Variants in KIF13A observed in about 807,000 individuals in gnomAD.
KIF13A encodes kinesin family member 13A, also known as kinesin-like protein KIF13A.
In KIF13A, 79 loss-of-function variants were observed where a neutral mutation model predicts 212.2. The observed-to-expected ratio is 0.37, with a 90% confidence interval of 0.31 to 0.45. The LOEUF (loss-of-function observed/expected upper bound fraction) is 0.45, where lower values mean the gene tolerates loss of function less well. KIF13A is among the 20% of genes least tolerant of loss of function. The pLI, the probability that KIF13A is intolerant of heterozygous loss-of-function variation, is 1.00. For synonymous variants in KIF13A, 789 were observed against 808.6 expected, an observed-to-expected ratio of 0.98 and a Z score of 0.41; for missense variants, 1,901 against 2,209.0, an observed-to-expected ratio of 0.86 and a Z score of 2.79.
Position 17,836,959 on chromosome 6 carries a change from C to A in KIF13A, c.1074G>T (p.Val358=). 1 of 1,613,948 alleles carries A rather than the reference C, an allele frequency of 6.2e-7. No homozygotes were observed. Among genetic ancestry groups the A allele is most frequent in the Non-Finnish European group, 8.5e-7 (1 of 1,179,880 alleles). The change falls in exon 11 of 39, where the codon GTG becomes GTT. Residue 358 remains valine (V), a synonymous_variant. Coordinates refer to ENST00000259711, the MANE Select transcript of KIF13A (RefSeq NM_022113.6). The part of the protein sequence containing the change: ...RAKRIVNHAV[V]NEDPNAKVIR... ...TCACTTTTGCGTTGGGGTCCTCATT[C>A]ACAACAGCATGGTTCACAATCCTTT...
At chr6:17,874,331 A>T (rs1049945452) in intron 3 of KIF13A, among the ~76,000 whole-genome samples, 1 of 151,598 alleles carries the variant, frequency 6.6e-6, no homozygotes, top group Admixed American at 6.6e-5. Context: ...TTAATATACA[A>T]TTCCTCGAAA....
downstream of KIF13A, chr6:17,759,414 T>C (rs1174836671): frequency 6.6e-6 from 1 of 152,116 alleles, no homozygotes; most frequent in Non-Finnish European, 1.5e-5. Context: ...TACACACAAA[T>C]CATGAACAGC....
At chr6:17,761,987 C>A (rs139543955), downstream of KIF13A, among the ~76,000 whole-genome samples, 928 of 152,178 alleles carry the variant, frequency 6.1e-3, 9 homozygotes, top group African/African-American at 0.021. Context: ...ACCTTATTTC[C>A]CCTGCTGCAC....
At chr6:17,852,079 C>T (rs1000009911) in intron 6 of KIF13A, 37 bp from the exon 7 acceptor site, 6 of 1,133,656 alleles carry the variant, frequency 5.3e-6, no homozygotes, top group Non-Finnish European at 7.2e-6. Flanking sequence ...ATGAATCACA[C>T]CAAAGCTGGA....
chr6:17,910,253 C>T (rs1482120153), intron 2 of KIF13A, among the ~76,000 whole-genome samples: 1 of 152,226 alleles, frequency 6.6e-6, no homozygotes, highest in Non-Finnish European at 1.5e-5. Context: ...ACCCATATCG[C>T]TAGCTAGAGA....
At position 17,883,322 on chromosome 6, in the gene KIF13A, G is replaced by C. The variant is rs1286600979; in HGVS notation, c.160-9885C>G. On this transcript the variant is annotated intron_variant, in intron 3 of 38. Coordinates refer to ENST00000259711, the MANE Select transcript of KIF13A (RefSeq NM_022113.6). This position sits in a 1 kb window ranked among gnomAD's most constrained non-coding sequence, Gnocchi z 4.8. ...TGATCATGTCACTGCACTCCAGCCT[G>C]GGTCACAGAGCAAGACTGTCTCTAA... Among the ~76,000 whole-genome samples, 1 of 151,986 alleles carries C rather than the reference G, an allele frequency of 6.6e-6. No homozygotes were observed. Among genetic ancestry groups the C allele is most frequent in the Non-Finnish European group, 1.5e-5 (1 of 68,006 alleles).
intron 4 of KIF13A, among the ~76,000 whole-genome samples, chr6:17,870,956 T>C (rs1233871721): frequency 6.6e-6 from 1 of 152,172 alleles, no homozygotes; most frequent in African/African-American, 2.4e-5. Context: ...TTTACTTTCT[T>C]CCATAGAAAA....
intron 4 of KIF13A, among the ~76,000 whole-genome samples, chr6:17,868,255 G>C (rs1230779979): frequency 1.3e-5 from 2 of 151,978 alleles, no homozygotes; most frequent in African/African-American, 4.8e-5. Flanking sequence ...TGTAGAGCTG[G>C]GAAGAAAATA....
chr6:17,805,370 CGTGTGT>C (rs59526903), intron 19 of KIF13A, 99 bp downstream of exon 19: 65,896 of 733,462 alleles, frequency 0.09, 1,012 homozygotes, highest in South Asian at 0.15. Flanking sequence ...AGCACATCTC[CGTGTGT>C]GTGTGTGTGT....
At chr6:17,945,082 G>C (rs1777268429) in intron 2 of KIF13A, among the ~76,000 whole-genome samples, 1 of 152,088 alleles carries the variant, frequency 6.6e-6, no homozygotes, top group Non-Finnish European at 1.5e-5. Flanking sequence ...AGACCAGTCT[G>C]GGCAACACGG....
rs548281388 is a variant in KIF13A at position 17,832,790 on chromosome 6, T to C, written c.1266+1171A>G. Among the ~76,000 whole-genome samples the C allele has an allele frequency of 1.3e-3, 193 of 152,022 alleles. 2 individuals are homozygous for C. The highest frequency in any genetic ancestry group is 4.4e-3 in the African/African-American group (184 of 41,474). ...ACTTTGGGAGGCTAAGGTGGGTGGA[T>C]TGCCTGAGCTCAGGAGTTTGAGATC... On this transcript the variant is annotated intron_variant, in intron 12 of 38. Transcript: ENST00000259711.
rs963820947 is a variant in KIF13A, at chr6:17,961,459, G to A, written c.146+25595C>T. 2.6e-5 allele frequency among the ~76,000 whole-genome samples: 4 copies of A among 152,106 alleles called. No individual in the cohort carries two copies. The highest frequency in any genetic ancestry group is 4.4e-5 in the Non-Finnish European group (3 of 68,026). On this transcript the variant is annotated intron_variant, in intron 2 of 38. Coordinates refer to ENST00000259711, the MANE Select transcript of KIF13A (RefSeq NM_022113.6). This position sits in a 1 kb window ranked among gnomAD's most constrained non-coding sequence, Gnocchi z 4.1. ...ATTGTAAGCCCTTTATATTCTCCCC[G>A]AATTAGGTTGGACCATGTAGAGTCA...
intron 2 of KIF13A, among the ~76,000 whole-genome samples, chr6:17,924,024 G>A (rs1775296743): frequency 1.3e-5 from 2 of 151,962 alleles, no homozygotes; most frequent in African/African-American, 4.8e-5. Context: ...TTTACTTTAA[G>A]ATATGACTCT....
At chr6:17,779,993 G>A (rs1760406628) in intron 31 of KIF13A, among the ~76,000 whole-genome samples, 1 of 151,870 alleles carries the variant, frequency 6.6e-6, no homozygotes, top group Non-Finnish European at 1.5e-5. Flanking sequence ...TGATCCGCCC[G>A]CCTTGGCCTC....
intron 18 of KIF13A, among the ~76,000 whole-genome samples, chr6:17,806,324 G>A (rs1487753946): frequency 6.6e-6 from 1 of 152,262 alleles, no homozygotes; most frequent in East Asian, 1.9e-4. Context: ...TTGACATCAT[G>A]TCTGTTTCAA....
chr6:17,868,906 A>C (rs1769680237), intron 4 of KIF13A, among the ~76,000 whole-genome samples: 1 of 146,516 alleles, frequency 6.8e-6, no homozygotes, highest in Non-Finnish European at 1.5e-5. Flanking sequence ...AGGCAGGAGA[A>C]TCGCTTGAAC....
chr6:17,889,372 C>G (rs1771833259), intron 3 of KIF13A, among the ~76,000 whole-genome samples: 1 of 152,054 alleles, frequency 6.6e-6, no homozygotes, highest in African/African-American at 2.4e-5. Flanking sequence ...GTTCAGTAAC[C>G]TAACTCATAA....
At chr6:17,921,925 T>C (rs913357415) in intron 2 of KIF13A, among the ~76,000 whole-genome samples, 5 of 152,224 alleles carry the variant, frequency 3.3e-5, no homozygotes, top group African/African-American at 1.2e-4. Context: ...AGTTTACTTA[T>C]AGAAGTACTT....
intron 3 of KIF13A, among the ~76,000 whole-genome samples, chr6:17,880,221 G>T (rs1016919600): frequency 3.3e-5 from 5 of 152,152 alleles, no homozygotes; most frequent in African/African-American, 1.2e-4. Context: ...TTCCCAAAGT[G>T]CTGGGATTAC....
Sources: gnomAD v4.1 joint callset for allele counts (sites outside exome capture counted in the v4.1 genomes callset) on GRCh38, gnomAD v4.1.1 for gene constraint, Gnocchi (gnomAD v3.1) non-coding constraint, MANE v1.5 for transcripts, NCBI Gene and HGNC (gene_info 2026-07-23, HGNC 2026-07-21) for gene names.